Variants in MGAT4C observed in about 807,000 individuals in gnomAD.
MGAT4C encodes MGAT4 family member C.
Under a neutral mutation model 40.1 loss-of-function variants are expected in MGAT4C, and 19 were observed. The observed-to-expected ratio is 0.47, with a 90% CI of 0.33 to 0.70. The LOEUF (loss-of-function observed/expected upper bound fraction) is 0.70, where lower values mean the gene tolerates loss of function less well. Among genes scored for constraint, MGAT4C ranks in the 30% least tolerant of loss-of-function variants. MGAT4C has a pLI of 0.02. For missense variants in MGAT4C, 491 were observed against 563.2 expected (o/e 0.87, Z 1.30); for synonymous variants, 181 against 187.1 (o/e 0.97, Z 0.27).
chr12:86,630,543 G>C (rs1421274435), intron 2 of MGAT4C, among the ~76,000 whole-genome samples: 1 of 152,032 alleles, frequency 6.6e-6, no homozygotes, highest in African/African-American at 2.4e-5. Context: ...ATATCAAAAA[G>C]CTTATCCACC....
intron 2 of MGAT4C, among the ~76,000 whole-genome samples, chr12:86,628,312 G>A (rs1371548929): frequency 6.6e-6 from 1 of 152,140 alleles, no homozygotes; most frequent in Non-Finnish European, 1.5e-5. Flanking sequence ...AACTAAGCTG[G>A]AAAACACTCT....
chr12:86,623,241 G>T (rs1159833582), intron 2 of MGAT4C, among the ~76,000 whole-genome samples: 2 of 152,172 alleles, frequency 1.3e-5, no homozygotes, highest in African/African-American at 4.8e-5. Flanking sequence ...TCAGGACCAA[G>T]AATATGGATA....
intron 3 of MGAT4C, among the ~76,000 whole-genome samples, chr12:86,346,688 T>C (rs1955040675): frequency 2.0e-5 from 3 of 152,176 alleles, no homozygotes. Context: ...ATGGTTAATA[T>C]TGAGTGTCAA....
intron 1 of MGAT4C, among the ~76,000 whole-genome samples, chr12:86,753,295 A>G (rs1361529641): frequency 6.6e-6 from 1 of 152,154 alleles, no homozygotes; most frequent in African/African-American, 2.4e-5. Flanking sequence ...TTAAGCTACA[A>G]AGAAAAGCCT....
At chr12:86,269,835 T>A (rs1196563713) in intron 4 of MGAT4C, among the ~76,000 whole-genome samples, 1 of 152,182 alleles carries the variant, frequency 6.6e-6, no homozygotes, top group African/African-American at 2.4e-5. Context: ...TGGTTCCCAA[T>A]CTCCTTGAAA....
At chr12:86,186,612 C>T (rs1431840833) in intron 1 of MGAT4C, among the ~76,000 whole-genome samples, 14 of 152,136 alleles carry the variant, frequency 9.2e-5, no homozygotes, top group Admixed American at 9.2e-4. Context: ...GAGCACTCAT[C>T]TTTAATCATG....
At chr12:86,700,170 C>CAGATAGATAGAT (rs1325020496) in intron 2 of MGAT4C, among the ~76,000 whole-genome samples, 2 of 135,810 alleles carry the variant, frequency 1.5e-5, no homozygotes, top group African/African-American at 5.7e-5. Context: ...GACAGACAGA[C>CAGATAGATAGAT]AGACAGACAG....
intron 1 of MGAT4C, among the ~76,000 whole-genome samples, chr12:86,093,148 T>C (rs910774079): frequency 6.6e-6 from 1 of 152,106 alleles, no homozygotes; most frequent in Non-Finnish European, 1.5e-5. Flanking sequence ...GAAATGAATA[T>C]GTCCTTCTTT....
At chr12:86,444,416 T>C (rs576613866) in intron 2 of MGAT4C, among the ~76,000 whole-genome samples, 2 of 152,298 alleles carry the variant, frequency 1.3e-5, no homozygotes, top group East Asian at 3.9e-4. Flanking sequence ...TCCGGTTCCA[T>C]GGCTTTACAT....
intron 2 of MGAT4C, among the ~76,000 whole-genome samples, chr12:86,508,898 A>T (rs1170784479): frequency 6.1e-5 from 9 of 148,702 alleles, no homozygotes; most frequent in Non-Finnish European, 1.2e-4. Context: ...CCACTTTTTG[A>T]TGGGGTTGTT....
chr12:86,824,419 A>G (rs1371734174), intron 1 of MGAT4C, among the ~76,000 whole-genome samples: 1 of 151,498 alleles, frequency 6.6e-6, no homozygotes, highest in Non-Finnish European at 1.5e-5. Flanking sequence ...AAGGAAAAAA[A>G]TAAATTTGTA....
chr12:86,020,757 G>A (rs1208465863), intron 2 of MGAT4C, among the ~76,000 whole-genome samples: 1 of 152,154 alleles, frequency 6.6e-6, no homozygotes, highest in Non-Finnish European at 1.5e-5. Flanking sequence ...AAACTAAAGA[G>A]CTTCTGCACA....
intron 4 of MGAT4C, among the ~76,000 whole-genome samples, chr12:86,304,443 A>T (rs971666853): frequency 6.6e-6 from 1 of 150,700 alleles, no homozygotes; most frequent in Non-Finnish European, 1.5e-5. Context: ...AAAATAGCAA[A>T]ATCAAAAATT....
rs576263184 is a variant in MGAT4C at position 85,987,362 on chromosome 12, C to T, written c.147+2038G>A. The stretch of plus-strand genomic sequence containing the variant: ...CCGTTTTAGCCGGGATGGTCTCGAT[C>T]TCCTGACCTCGTGATCCGCCCGCCT... On this transcript the variant is annotated intron_variant, in intron 3 of 4. Coordinates refer to ENST00000611864, the MANE Select transcript of MGAT4C (RefSeq NM_001351288.2). Among the ~76,000 whole-genome samples, 37 of 151,840 alleles carry T rather than the reference C, an allele frequency of 2.4e-4. No individual in the cohort carries two copies. The South Asian group carries it at 4.8e-3, about 20-fold the overall frequency.
intron 1 of MGAT4C, among the ~76,000 whole-genome samples, chr12:86,814,252 A>G (rs151280538): frequency 1.2e-4 from 17 of 145,226 alleles, no homozygotes; most frequent in African/African-American, 4.3e-4. Context: ...GTGTATATAT[A>G]TACACATATA....
intron 1 of MGAT4C, among the ~76,000 whole-genome samples, chr12:86,826,117 G>C (rs1952801678): frequency 6.6e-6 from 1 of 151,236 alleles, no homozygotes. Flanking sequence ...CATAATTATG[G>C]GATACCTCAT....
chr12:86,128,997 T>C (rs60587165), intron 1 of MGAT4C, among the ~76,000 whole-genome samples: 5,337 of 152,226 alleles, frequency 0.035, 297 homozygotes, highest in East Asian at 0.28. Context: ...TTGGGTTTAC[T>C]TCTAGGTTCT....
chr12:86,248,680 T>C (rs1395129501), intron 1 of MGAT4C, among the ~76,000 whole-genome samples: 2 of 152,146 alleles, frequency 1.3e-5, no homozygotes, highest in Non-Finnish European at 2.9e-5. Flanking sequence ...ATTTTCTTGA[T>C]ACACCACCAC....
At chr12:86,526,064 G>C (rs1334565145) in intron 2 of MGAT4C, among the ~76,000 whole-genome samples, 2 of 152,214 alleles carry the variant, frequency 1.3e-5, no homozygotes, top group East Asian at 3.9e-4. Context: ...TGGATTGGCA[G>C]AGGGAGGGGA....
Sources: gnomAD v4.1 joint callset for allele counts (sites outside exome capture counted in the v4.1 genomes callset) on GRCh38, gnomAD v4.1.1 for gene constraint, MANE v1.5 for transcripts, NCBI Gene and HGNC (gene_info 2026-07-23, HGNC 2026-07-21) for gene names.